Variants in DOP1B observed in about 807,000 individuals in gnomAD.
DOP1B encodes protein DOP1B.
A neutral mutation model predicts 233.5 loss-of-function variants in DOP1B; 174 were observed. The observed-to-expected ratio is 0.75, with a 90% confidence interval of 0.66 to 0.85. The LOEUF (loss-of-function observed/expected upper bound fraction) is 0.85, where lower values mean the gene tolerates loss of function less well. Among genes scored for constraint, DOP1B ranks in the 40% least tolerant of loss-of-function variants. The probability of loss-of-function intolerance (pLI) is 0.00; values close to 1 mark genes in which losing one functional copy is unlikely to be tolerated. For missense variants in DOP1B, 2,652 were observed against 2,846.6 expected (o/e 0.93, Z 1.56); for synonymous variants, 1,190 against 1,185.6 (o/e 1.00, Z -0.08).
chr21:36,265,982 C>T (rs556207381), intron 26 of DOP1B, among the ~76,000 whole-genome samples: 1 of 152,062 alleles, frequency 6.6e-6, no homozygotes, highest in African/African-American at 2.4e-5. Flanking sequence ...AGCTTGAGAT[C>T]CTGCAGGTTG....
chr21:36,158,476 T>A (rs1346551182), intron 1 of DOP1B, among the ~76,000 whole-genome samples: 1 of 152,168 alleles, frequency 6.6e-6, no homozygotes, highest in African/African-American at 2.4e-5. Context: ...ATCTTGGGCC[T>A]AATACCCATC....
intron 4 of DOP1B, among the ~76,000 whole-genome samples, chr21:36,201,871 G>A (rs1340815788): frequency 6.6e-6 from 1 of 151,990 alleles, no homozygotes; most frequent in Admixed American, 6.6e-5. Flanking sequence ...AGGAATGGGA[G>A]AAAGTGTGAA....
In DOP1B at chr21:36,248,447, G is replaced by A. The variant is rs199678194; in HGVS notation, c.4877G>A (p.Arg1626Gln). ...ARNAILEELP[R>Q]TVNTMALLWN... ...AATGCCATTTTGGAAGAGCTGCCTC[G>A]AACTGTTAACACCATGGCCCTTCTC... The change falls in exon 21 of 37, where the codon CGA (arginine) becomes CAA (glutamine). Residue 1626 changes from arginine to glutamine, a missense_variant. Coordinates refer to ENST00000691173, the MANE Select transcript of DOP1B (RefSeq NM_001320714.2). The A allele has an allele frequency of 3.1e-6, 5 of 1,614,000 alleles. No individual in the cohort carries two copies. Among genetic ancestry groups the A allele is most frequent in the East Asian group, 4.5e-5 (2 of 44,874 alleles).
chr21:36,214,569 A>T lies in DOP1B; in HGVS notation c.1129+13A>T, dbSNP rs2066539136. 6.2e-7 allele frequency: 1 copy of T among 1,610,640 alleles called. No homozygotes were observed. Among genetic ancestry groups the T allele is most frequent in the Non-Finnish European group, 8.5e-7 (1 of 1,177,244 alleles). On this transcript the variant is annotated intron_variant, in intron 9 of 36. Coordinates refer to ENST00000691173, the MANE Select transcript of DOP1B (RefSeq NM_001320714.2). Reference sequence around the variant, plus strand: ...AAGCCAGAAATAGGTAATGTTAGAAATGCTGCTTCTATCCTATGCTGAATA... The same window carrying T: ...AAGCCAGAAATAGGTAATGTTAGAATTGCTGCTTCTATCCTATGCTGAATA...
At chr21:36,195,315 T>G (rs2066277438) in intron 2 of DOP1B, among the ~76,000 whole-genome samples, 1 of 143,914 alleles carries the variant, frequency 6.9e-6, no homozygotes, top group Non-Finnish European at 1.5e-5. Context: ...CACTCCAGCC[T>G]TGGTGACAGA....
intron 2 of DOP1B, among the ~76,000 whole-genome samples, chr21:36,185,839 C>T (rs2066159153): frequency 6.6e-6 from 1 of 152,204 alleles, no homozygotes; most frequent in African/African-American, 2.4e-5. Context: ...TAAGGGGCAG[C>T]ATTTGCACAT....
intron 24 of DOP1B, among the ~76,000 whole-genome samples, chr21:36,262,104 G>T (rs2067178117): frequency 6.6e-6 from 1 of 152,150 alleles, no homozygotes; most frequent in Non-Finnish European, 1.5e-5. Context: ...GTAAATTGAG[G>T]CCTCCTGGTA....
At chr21:36,211,210 A>T (rs978285386) in intron 5 of DOP1B, among the ~76,000 whole-genome samples, 2 of 152,208 alleles carry the variant, frequency 1.3e-5, no homozygotes, top group African/African-American at 4.8e-5. Flanking sequence ...TATCTACTGA[A>T]TTGATCAGGA....
At chr21:36,217,513 C>G (rs181143664) in intron 9 of DOP1B, among the ~76,000 whole-genome samples, 9 of 152,326 alleles carry the variant, frequency 5.9e-5, no homozygotes, top group Admixed American at 1.3e-4. Context: ...TCAGCACCCC[C>G]CGATGCTTGC....
intron 2 of DOP1B, among the ~76,000 whole-genome samples, chr21:36,194,378 A>G (rs11700912): frequency 5.9e-5 from 9 of 151,782 alleles, no homozygotes; most frequent in Admixed American, 5.9e-4. Flanking sequence ...ATGATATTTC[A>G]CTGTTATATT....
At chr21:36,232,096 G>A (rs1459093550) in intron 14 of DOP1B, among the ~76,000 whole-genome samples, 1 of 152,000 alleles carries the variant, frequency 6.6e-6, no homozygotes, top group African/African-American at 2.4e-5. Context: ...CACCCGCCTA[G>A]GCCTCCCAAA....
chr21:36,201,342 A>ATTTTTTTTTTTTTTTTTTTTT, intron 4 of DOP1B, among the ~76,000 whole-genome samples: 1 of 46,978 alleles, frequency 2.1e-5, no homozygotes, highest in Non-Finnish European at 3.9e-5. Context: ...TATCTATTGG[A>ATTTTTTTTTTTTTTTTTTTTT]TTCTTTTTTT....
At chr21:36,189,454 G>C (rs1164935818) in intron 2 of DOP1B, among the ~76,000 whole-genome samples, 1 of 152,160 alleles carries the variant, frequency 6.6e-6, no homozygotes, top group Non-Finnish European at 1.5e-5. Flanking sequence ...GATTTTGAAG[G>C]CTGGGTGCAG....
chr21:36,280,300 T>G lies in DOP1B; in HGVS notation c.5985T>G (p.Ile1995Met). 1 of 1,609,246 alleles carries G rather than the reference T, an allele frequency of 6.2e-7. No individual in the cohort carries two copies. The highest frequency in any genetic ancestry group is 1.7e-4 in the Middle Eastern group (1 of 6,054). The change falls in exon 31 of 37, where the codon ATT becomes ATG. Residue 1995 changes from isoleucine to methionine, a missense_variant. By Grantham distance (10) the Ile-to-Met change is conservative (BLOSUM62 1). Around this residue, in one of 3 missense-constraint regions of DOP1B, gnomAD observed 2,617 missense variants for 2,794.3 expected, o/e 0.94. Coordinates refer to ENST00000691173, the MANE Select transcript of DOP1B (RefSeq NM_001320714.2). Reference sequence around the variant, plus strand: ...TAATATCCAGTTGGAAGTCCATTATTGACCATCTTTTGACTCATGAGAAAA... The same window carrying G: ...TAATATCCAGTTGGAAGTCCATTATGGACCATCTTTTGACTCATGAGAAAA... ...DTSCVHWKSI[I>M]DHLLTHEKTM...
At chr21:36,238,060 G>A (rs371576157) in intron 16 of DOP1B, among the ~76,000 whole-genome samples, 4 of 152,304 alleles carry the variant, frequency 2.6e-5, no homozygotes, top group East Asian at 3.9e-4. Flanking sequence ...CCAGCTACTC[G>A]GGAGGCTGAG....
chr21:36,187,876 C>G (rs1601394953), intron 2 of DOP1B, among the ~76,000 whole-genome samples: 1 of 152,242 alleles, frequency 6.6e-6, no homozygotes, highest in Non-Finnish European at 1.5e-5. Flanking sequence ...GCTGGGATTA[C>G]AGGTGTAAGC....
rs144029569 is a variant in DOP1B, at chr21:36,239,393, G to A, written c.2877-372G>A. ...CATCACTGTCTCATGCTTAAGAGGT[G>A]AACTTGATTGCAGCCCATTGTATTC... On this transcript the variant is annotated intron_variant, in intron 17 of 36. Coordinates refer to ENST00000691173, the MANE Select transcript of DOP1B (RefSeq NM_001320714.2). Among the ~76,000 whole-genome samples the A allele has an allele frequency of 3.9e-3, 590 of 152,258 alleles. 3 individuals carry two copies. The highest frequency in any genetic ancestry group is 0.013 in the African/African-American group (558 of 41,554).
chr21:36,289,314 G>A, intron 35 of DOP1B, 108 bp downstream of exon 35: 1 of 1,178,714 alleles, frequency 8.5e-7, no homozygotes, highest in Non-Finnish European at 1.2e-6. Context: ...ACCACCATCT[G>A]GGTTTCTAGT....
At chr21:36,165,919 G>C (rs971053778) in intron 2 of DOP1B, among the ~76,000 whole-genome samples, 2 of 150,666 alleles carry the variant, frequency 1.3e-5, no homozygotes, top group African/African-American at 4.9e-5. Flanking sequence ...GTTTCACCAT[G>C]TTGGCCAGGC....
Sources: allele counts gnomAD v4.1 joint callset (sites outside exome capture counted in the v4.1 genomes callset), GRCh38; gene constraint gnomAD v4.1.1; regional missense constraint gnomAD v4.1.1; transcripts MANE v1.5; gene names NCBI Gene and HGNC (gene_info 2026-07-23, HGNC 2026-07-21).